The following RBM20 variants were observed in gnomAD, a reference collection of about 807,000 sequenced individuals.
RBM20 encodes the protein RNA binding motif protein 20.
A neutral mutation model predicts 110.1 loss-of-function variants in RBM20; 51 were observed. The observed-to-expected ratio is 0.46, with a 90% CI of 0.37 to 0.59. RBM20 has a LOEUF of 0.59. Among genes scored for constraint, RBM20 ranks in the 20% least tolerant of loss-of-function variants. The probability of loss-of-function intolerance (pLI) is 0.00; values close to 1 mark genes in which losing one functional copy is unlikely to be tolerated. For missense variants in RBM20, 1,512 were observed against 1,574.9 expected (o/e 0.96, Z 0.68); for synonymous variants, 589 against 618.2 (o/e 0.95, Z 0.70).
chr10:110,815,148 T>C (rs1300130405), intron 9 of RBM20, among the ~76,000 whole-genome samples: 4 of 152,224 alleles, frequency 2.6e-5, no homozygotes, highest in East Asian at 3.8e-4. Context: ...AGACAATTCA[T>C]GTGCATCTCT....
At chr10:110,661,926 G>A (rs939115591) in intron 1 of RBM20, among the ~76,000 whole-genome samples, 2 of 151,880 alleles carry the variant, frequency 1.3e-5, no homozygotes, top group African/African-American at 2.4e-5. Flanking sequence ...CAGGAGAATC[G>A]CTTGAACCCA....
At position 110,821,571 on chromosome 10, in the gene RBM20, G is replaced by A; in HGVS notation, c.2952G>A (p.Leu984=). The A allele has an allele frequency of 6.4e-7, 1 of 1,550,882 alleles. No homozygotes were observed. ...TCAGCCTCAAGTCACCCAGAGAACT[G>A]CCCTCTGCTTCCACAAGCTGTCCCA... The part of the protein sequence containing the change: ...AEISLKSPRE[L]PSASTSCPSD... The change falls in exon 11 of 14, where the codon CTG becomes CTA. Residue 984 remains leucine (L), a synonymous_variant. Coordinates refer to ENST00000369519, the MANE Select transcript of RBM20 (RefSeq NM_001134363.3).
intron 1 of RBM20, among the ~76,000 whole-genome samples, chr10:110,732,613 C>T (rs1240883365): frequency 1.3e-5 from 2 of 152,142 alleles, no homozygotes; most frequent in African/African-American, 4.8e-5. Flanking sequence ...GGTCCAGGGG[C>T]CTTCTGGGTT....
In RBM20 at chr10:110,811,610, GT is replaced by G. The variant is rs371265208; in HGVS notation, c.1881-665del. Among the ~76,000 whole-genome samples, 112 of 152,322 alleles carry G rather than the reference GT, an allele frequency of 7.4e-4. 1 individual carries two copies. The highest frequency in any genetic ancestry group is 1.0e-3 in the Non-Finnish European group (70 of 68,026). ...GGTTGGGGTCCTTGTCTGGGTTTCA[GT>G]TTCTTCATCTCAGACGTGTAGATCA... On this transcript the variant is annotated intron_variant, in intron 8 of 13. Transcript: ENST00000369519.
chr10:110,748,958 A>G (rs1011244182), intron 1 of RBM20, among the ~76,000 whole-genome samples: 2 of 152,222 alleles, frequency 1.3e-5, no homozygotes, highest in Non-Finnish European at 2.9e-5. Flanking sequence ...GTGGATGGGA[A>G]AATGTATGAT....
intron 1 of RBM20, among the ~76,000 whole-genome samples, chr10:110,656,058 T>A (rs979123503): frequency 6.6e-6 from 1 of 152,170 alleles, no homozygotes; most frequent in Admixed American, 6.5e-5. Context: ...CCCAGCACTT[T>A]GGGAGGCCGA....
At chr10:110,651,930 G>T (rs1185131291) in intron 1 of RBM20, among the ~76,000 whole-genome samples, 3 of 152,172 alleles carry the variant, frequency 2.0e-5, no homozygotes, top group Non-Finnish European at 2.9e-5. Context: ...TATTTGAAAT[G>T]ATCAATATTT....
At chr10:110,744,056 A>G (rs1389224287) in intron 1 of RBM20, among the ~76,000 whole-genome samples, 1 of 152,194 alleles carries the variant, frequency 6.6e-6, no homozygotes, top group Non-Finnish European at 1.5e-5. Flanking sequence ...GAGTACAGTG[A>G]CAGGGTGGTG....
chr10:110,705,893 C>T (rs1272591809), intron 1 of RBM20, among the ~76,000 whole-genome samples: 1 of 151,962 alleles, frequency 6.6e-6, no homozygotes, highest in Non-Finnish European at 1.5e-5. Flanking sequence ...CCATCCTGGC[C>T]AACATGGTGA....
chr10:110,739,443 TTTCAAAA>T lies in RBM20; in HGVS notation c.192-41356_192-41350del, dbSNP rs1843703778. On this transcript the variant is annotated intron_variant, in intron 1 of 13. Coordinates refer to ENST00000369519, the MANE Select transcript of RBM20 (RefSeq NM_001134363.3). This position sits in a 1 kb window ranked among gnomAD's most constrained non-coding sequence, Gnocchi z 4.1. Reference sequence around the variant, plus strand: ...ATGTTTATATTCATCCAAAATTTTCTTTCAAAATGGATTGTTTTGATGAGCTGCCGGA... The same window carrying T: ...ATGTTTATATTCATCCAAAATTTTCTTGGATTGTTTTGATGAGCTGCCGGA... Among the ~76,000 whole-genome samples, 1 of 152,220 alleles carries T rather than the reference TTTCAAAA, an allele frequency of 6.6e-6. No individual in the cohort carries two copies. The highest frequency in any genetic ancestry group is 2.1e-4 in the South Asian group (1 of 4,834).
At chr10:110,834,791 G>C (rs1438939275) in intron 13 of RBM20, among the ~76,000 whole-genome samples, 2 of 152,158 alleles carry the variant, frequency 1.3e-5, no homozygotes, top group Non-Finnish European at 2.9e-5. Flanking sequence ...AGTGCTCTTT[G>C]CCTTTTCCTT....
intron 1 of RBM20, among the ~76,000 whole-genome samples, chr10:110,730,890 C>G (rs754737188): frequency 1.2e-4 from 19 of 152,226 alleles, no homozygotes; most frequent in Non-Finnish European, 2.5e-4. Flanking sequence ...TACCTCCCCA[C>G]CCTCCTACTT....
At chr10:110,811,164 G>A (rs1016579205) in intron 8 of RBM20, among the ~76,000 whole-genome samples, 1 of 152,196 alleles carries the variant, frequency 6.6e-6, no homozygotes, top group African/African-American at 2.4e-5. Context: ...GGTGGCCACA[G>A]TCGGTGCTGT....
chr10:110,734,731 C>A (rs1408130228), intron 1 of RBM20, among the ~76,000 whole-genome samples: 2 of 151,082 alleles, frequency 1.3e-5, no homozygotes, highest in African/African-American at 4.9e-5. Flanking sequence ...AAATAGGGCT[C>A]CTGACTCAGT....
intron 1 of RBM20, among the ~76,000 whole-genome samples, chr10:110,762,686 C>CCTGTGGCTGG (rs540365206): frequency 6.6e-6 from 1 of 152,216 alleles, no homozygotes; most frequent in South Asian, 2.1e-4. Flanking sequence ...ATCCTTCTTT[C>CCTGTGGCTGG]CTGTGGCTGG....
intron 1 of RBM20, among the ~76,000 whole-genome samples, chr10:110,707,497 C>T (rs1043206545): frequency 6.6e-6 from 1 of 152,166 alleles, no homozygotes; most frequent in Admixed American, 6.5e-5. Flanking sequence ...GAAAGTTAAA[C>T]ATTTTTAAAA....
chr10:110,740,825 C>T (rs1843717709), intron 1 of RBM20, among the ~76,000 whole-genome samples: 1 of 152,080 alleles, frequency 6.6e-6, no homozygotes, highest in Non-Finnish European at 1.5e-5. Context: ...CATGGACGTC[C>T]ATGTTAACTC....
chr10:110,669,902 G>A (rs1031236493), intron 1 of RBM20, among the ~76,000 whole-genome samples: 8 of 152,188 alleles, frequency 5.3e-5, no homozygotes, highest in Non-Finnish European at 7.4e-5. Flanking sequence ...TTGGTCAATC[G>A]ACAAACTCCT....
In RBM20 at chr10:110,797,752, G is replaced by A. The variant is rs1411899717; in HGVS notation, c.1668+104G>A. 89 of 1,244,942 alleles carry A rather than the reference G, an allele frequency of 7.1e-5. 1 individual carries two copies. The Admixed American group carries it at 8.1e-4, about 11-fold the overall frequency. 77.1% of individuals were successfully genotyped at this position (1,244,942 alleles called of 1,614,324 possible). On this transcript the variant is annotated intron_variant, in intron 6 of 13. Coordinates refer to ENST00000369519, the MANE Select transcript of RBM20 (RefSeq NM_001134363.3). The stretch of plus-strand genomic sequence containing the variant: ...GAAGCCATTCTTAACATAAAGAGGC[G>A]ATGCCGTAGCTGGCCTTCTGTTGGC...
Sources: gnomAD v4.1 joint callset for allele counts (sites outside exome capture counted in the v4.1 genomes callset) on GRCh38, gnomAD v4.1.1 for gene constraint, Gnocchi (gnomAD v3.1) non-coding constraint, MANE v1.5 for transcripts, NCBI Gene and HGNC (gene_info 2026-07-23, HGNC 2026-07-21) for gene names.